Variants in PAWR observed in about 807,000 individuals in gnomAD.
PAWR encodes the protein PRKC apoptosis WT1 regulator protein.
A neutral mutation model predicts 32.0 loss-of-function variants in PAWR; 23 were observed. The ratio of observed to expected loss-of-function variants is 0.72; its 90% CI spans 0.52 to 1.02. The LOEUF (loss-of-function observed/expected upper bound fraction) is 1.02, where lower values mean the gene tolerates loss of function less well. Among genes scored for constraint, PAWR ranks in the 50% least tolerant of loss-of-function variants. The pLI is 0.00. For missense variants in PAWR, 457 were observed against 437.7 expected, an observed-to-expected ratio of 1.04 and a Z score of -0.39; for synonymous variants, 226 against 187.1, an observed-to-expected ratio of 1.21 and a Z score of -1.70.
At chr12:79,594,610 T>C (rs1873678138) in intron 5 of PAWR, among the ~76,000 whole-genome samples, 177 bp from the exon 6 acceptor site, 1 of 152,182 alleles carries the variant, frequency 6.6e-6, no homozygotes, top group Non-Finnish European at 1.5e-5. Flanking sequence ...AATCAGAGAA[T>C]GCACAGGAGA....
intron 2 of PAWR, among the ~76,000 whole-genome samples, 184 bp from the exon 3 acceptor site, chr12:79,621,391 G>A (rs574395805): frequency 4.4e-4 from 67 of 152,202 alleles, no homozygotes; most frequent in African/African-American, 1.5e-3. Flanking sequence ...CTTAAAACTT[G>A]TACTTCCATA....
At position 79,625,486 on chromosome 12, in the gene PAWR, G is replaced by C. The variant is rs552657822; in HGVS notation, c.517-4279C>G. ...AAGTAATAAAGAGAAAATTTTAAAA[G>C]TAACAGAGGAAGAATTAAAAAATTA... is the stretch of plus-strand genomic sequence containing the variant. On this transcript the variant is annotated intron_variant, in intron 2 of 6. Transcript: ENST00000328827. Among the ~76,000 whole-genome samples the C allele has an allele frequency of 3.3e-5, 5 of 152,200 alleles. No individual in the cohort carries two copies. The South Asian group carries it at 1.0e-3, about 32-fold the overall frequency.
intron 2 of PAWR, among the ~76,000 whole-genome samples, chr12:79,653,548 C>G (rs1356200083): frequency 1.3e-5 from 2 of 152,204 alleles, no homozygotes; most frequent in Non-Finnish European, 2.9e-5. Flanking sequence ...GGCACGATCT[C>G]AGCTCACTGC....
intron 3 of PAWR, among the ~76,000 whole-genome samples, chr12:79,615,649 G>A (rs897146725): frequency 2.0e-5 from 3 of 152,142 alleles, no homozygotes; most frequent in Non-Finnish European, 4.4e-5. Flanking sequence ...TACCAAACAC[G>A]TAAAACAGAT....
rs1873551580 is a variant in PAWR, at chr12:79,591,434, C to T, written c.*1173G>A. ...TGCTATTTGAAATTCAATCACAAAGCAAAAATGTCATAATTTTAATGTATT... is the reference window on the plus strand; with the variant it reads ...TGCTATTTGAAATTCAATCACAAAGTAAAAATGTCATAATTTTAATGTATT... On this transcript the variant is annotated 3_prime_UTR_variant, in exon 7 of 7. Transcript: ENST00000328827. 6.6e-6 allele frequency: 1 copy of T among 151,858 alleles called. No homozygotes were observed. The highest frequency in any genetic ancestry group is 1.5e-5 in the Non-Finnish European group (1 of 67,978). 9.4% of individuals were successfully genotyped at this position (151,858 alleles called of 1,614,324 possible).
At chr12:79,616,546 T>A (rs1168594087) in intron 3 of PAWR, among the ~76,000 whole-genome samples, 4 of 152,192 alleles carry the variant, frequency 2.6e-5, no homozygotes, top group Non-Finnish European at 5.9e-5. Context: ...AACAGAAATG[T>A]AAAATGGAGG....
Position 79,690,081 on chromosome 12 carries a change from G to A in PAWR, c.164C>T (p.Ala55Val), listed in dbSNP as rs1878920070. Residue 55 changes from alanine to valine, a missense_variant, in exon 2 of 7, where the codon GCG becomes GTG. Ala to Val is a moderately conservative substitution (Grantham distance 64). Transcript: ENST00000328827. Reference protein sequence around the residue: ...GSSDAAGKPPAGALGTPAAAA... With the variant: ...GSSDAAGKPPVGALGTPAAAA... ...GGCCGCCGGGGTGCCCAGAGCCCCC[G>A]CGGGGGGCTTCCCAGCGGCGTCGCT... 4.2e-6 allele frequency: 6 copies of A among 1,428,446 alleles called. No individual in the cohort carries two copies. The highest frequency in any genetic ancestry group is 3.1e-5 in the Admixed American group (1 of 31,918). The allele number at this position is 1,428,446 out of a possible 1,614,324, so 88.5% of individuals were successfully genotyped here.
At chr12:79,629,960 C>T (rs1474786659) in intron 2 of PAWR, among the ~76,000 whole-genome samples, 2 of 151,592 alleles carry the variant, frequency 1.3e-5, no homozygotes, top group Non-Finnish European at 2.9e-5. Flanking sequence ...TGAAATCCAC[C>T]TAAAAGCAGA....
intron 2 of PAWR, among the ~76,000 whole-genome samples, chr12:79,623,578 T>C (rs753284953): frequency 6.6e-6 from 1 of 152,140 alleles, no homozygotes; most frequent in African/African-American, 2.4e-5. Flanking sequence ...ACAAAATTTT[T>C]AGTAACAACC....
intron 2 of PAWR, among the ~76,000 whole-genome samples, chr12:79,689,497 G>A (rs1878858296): frequency 6.6e-6 from 1 of 152,162 alleles, no homozygotes; most frequent in African/African-American, 2.4e-5. Context: ...CTGGATCTGA[G>A]ACCTGGCCAG....
At chr12:79,645,036 CCACACACACA>C (rs60664351) in intron 2 of PAWR, among the ~76,000 whole-genome samples, 6 of 120,002 alleles carry the variant, frequency 5.0e-5, no homozygotes, top group South Asian at 5.4e-4. Flanking sequence ...TCCACCCCCA[CCACACACACA>C]CACACACACA....
chr12:79,633,525 G>GT (rs953066277), intron 2 of PAWR, among the ~76,000 whole-genome samples: 5 of 151,922 alleles, frequency 3.3e-5, no homozygotes, highest in Non-Finnish European at 7.4e-5. Context: ...TTTTTTTGTT[G>GT]TTGTTTTTCT....
rs955489084 is a variant in PAWR, at chr12:79,591,015, A to C, written c.*1592T>G. The C allele has an allele frequency of 1.3e-5, 2 of 152,242 alleles. No individual in the cohort carries two copies. Among genetic ancestry groups the C allele is most frequent in the African/African-American group, 2.4e-5 (1 of 41,470 alleles). The allele number at this position is 152,242 out of a possible 1,614,324, so 9.4% of individuals were successfully genotyped here. A position where few individuals can be genotyped will look rare whatever the true frequency, so the allele number is the denominator to read the frequency against. On this transcript the variant is annotated 3_prime_UTR_variant, in exon 7 of 7. Transcript: ENST00000328827. ...AGGGTGTTCAATGGAATAAAGAAACAGCAGCAGCTGCTTCAAAAGTAGACT... is the reference window on the plus strand; with the variant it reads ...AGGGTGTTCAATGGAATAAAGAAACCGCAGCAGCTGCTTCAAAAGTAGACT...
Position 79,689,869 on chromosome 12 carries a change from C to T in PAWR, c.376G>A (p.Asp126Asn), listed in dbSNP as rs1216672169. 2 of 1,566,614 alleles carry T rather than the reference C, an allele frequency of 1.3e-6. No homozygotes were observed. The highest frequency in any genetic ancestry group is 1.7e-6 in the Non-Finnish European group (2 of 1,157,186). Reference sequence around the variant, plus strand: ...GGGACGCCGTCCGGCTCCTCCTCGTCACGCTGGGGCGGCGGTGCAGCCGAG... The same window carrying T: ...GGGACGCCGTCCGGCTCCTCCTCGTTACGCTGGGGCGGCGGTGCAGCCGAG... ...SASAAPPPQR[D>N]EEEPDGVPEK... The change falls in exon 2 of 7, where the codon GAC (aspartate) becomes AAC (asparagine). Residue 126 changes from aspartate (D) to asparagine (N), a missense_variant. Physicochemically the swap from Asp to Asn is conservative, Grantham distance 23. Transcript: ENST00000328827.
chr12:79,650,153 C>T (rs1876771251), intron 2 of PAWR, among the ~76,000 whole-genome samples: 1 of 152,136 alleles, frequency 6.6e-6, no homozygotes, highest in African/African-American at 2.4e-5. Flanking sequence ...ATTTCCATAT[C>T]CATAAGATAA....
intron 2 of PAWR, among the ~76,000 whole-genome samples, chr12:79,638,793 G>GTA (rs1566013571): frequency 2.0e-5 from 2 of 101,332 alleles, no homozygotes; most frequent in Non-Finnish European, 3.5e-5. Flanking sequence ...TATTTGGGGT[G>GTA]TGTGTGTGTG....
intron 4 of PAWR, among the ~76,000 whole-genome samples, chr12:79,602,101 T>G (rs887429387): frequency 1.3e-5 from 2 of 152,202 alleles, no homozygotes; most frequent in Non-Finnish European, 2.9e-5. Flanking sequence ...TATAGTATTG[T>G]GCAACATGCA....
chr12:79,633,919 C>T (rs1264335922), intron 2 of PAWR, among the ~76,000 whole-genome samples: 1 of 151,918 alleles, frequency 6.6e-6, no homozygotes, highest in East Asian at 1.9e-4. Flanking sequence ...TAACATGCCA[C>T]CTAGGATTTG....
chr12:79,601,569 C>T (rs1162662143), intron 4 of PAWR, among the ~76,000 whole-genome samples: 1 of 151,800 alleles, frequency 6.6e-6, no homozygotes, highest in Non-Finnish European at 1.5e-5. Context: ...AATTACATAC[C>T]CATGTTGGTA....
Sources: allele counts gnomAD v4.1 joint callset (sites outside exome capture counted in the v4.1 genomes callset), GRCh38; gene constraint gnomAD v4.1.1; transcripts MANE v1.5; gene names NCBI Gene and HGNC (gene_info 2026-07-23, HGNC 2026-07-21).